SLC20A2: variants seen among roughly 807,000 people sequenced by gnomAD.
SLC20A2 encodes sodium-dependent phosphate transporter 2.
A neutral mutation model predicts 61.0 loss-of-function variants in SLC20A2; 30 were observed. The ratio of observed to expected loss-of-function variants is 0.49; its 90% CI spans 0.37 to 0.67. The LOEUF (loss-of-function observed/expected upper bound fraction) is 0.67. SLC20A2 is among the 30% of genes least tolerant of loss of function. The pLI is 0.00. For missense variants in SLC20A2, 626 were observed against 866.4 expected (o/e 0.72, Z 3.48); for synonymous variants, 351 against 353.3 (o/e 0.99, Z 0.07).
chr8:42,484,780 G>T, intron 1 of SLC20A2: 1 of 329,032 alleles, frequency 3.0e-6, no homozygotes, highest in South Asian at 2.9e-5. Flanking sequence ...GCTAAAGGCT[G>T]CTCCCATATC....
intron 1 of SLC20A2, among the ~76,000 whole-genome samples, chr8:42,513,330 C>T (rs973228259): frequency 1.3e-5 from 2 of 152,212 alleles, no homozygotes; most frequent in Admixed American, 6.5e-5. Flanking sequence ...ATCACAGTGG[C>T]TGCCTCTCCA....
chr8:42,493,328 T>G (rs1217519617), intron 1 of SLC20A2, among the ~76,000 whole-genome samples: 3 of 152,218 alleles, frequency 2.0e-5, no homozygotes, highest in African/African-American at 4.8e-5. Context: ...GAGCCAGTAC[T>G]TTCTTAAAGT....
At chr8:42,509,772 A>AAAACG (rs1440882433) in intron 1 of SLC20A2, among the ~76,000 whole-genome samples, 1 of 151,784 alleles carries the variant, frequency 6.6e-6, no homozygotes, top group Admixed American at 6.6e-5. Context: ...AAAACAAAAC[A>AAAACG]AAACAAAAAG....
Position 42,465,879 on chromosome 8 carries a change from G to C in SLC20A2, c.328C>G (p.Leu110Val). The C allele has an allele frequency of 6.2e-7, 1 of 1,613,000 alleles. No individual in the cohort carries two copies. Among genetic ancestry groups the C allele is most frequent in the Non-Finnish European group, 8.5e-7 (1 of 1,179,654 alleles). ...VWQLIASFLRLPISGTHCIVG... is the reference protein window; with the variant it reads ...VWQLIASFLRVPISGTHCIVG... ...ATGCAGTGCGTTCCTGAGATTGGAA[G>C]CCTCAGGAAGGAAGCAATCAGCTGC... Residue 110 changes from leucine (L) to valine (V), a missense_variant, in exon 3 of 11, where the codon CTT becomes GTT. Physicochemically the swap from Leu to Val is conservative, Grantham distance 32 (BLOSUM62 1). Coordinates refer to ENST00000520262, the MANE Select transcript of SLC20A2 (RefSeq NM_001257180.2).
At chr8:42,488,196 T>TC (rs1310081819) in intron 1 of SLC20A2, among the ~76,000 whole-genome samples, 2 of 147,894 alleles carry the variant, frequency 1.4e-5, no homozygotes, top group Middle Eastern at 3.4e-3. Flanking sequence ...TTTTTTTTTT[T>TC]TTTTTTTGAG....
intron 5 of SLC20A2, among the ~76,000 whole-genome samples, chr8:42,450,458 C>T (rs1805556372): frequency 6.6e-6 from 1 of 152,114 alleles, no homozygotes; most frequent in South Asian, 2.1e-4. Flanking sequence ...GAACTCCTGA[C>T]CTCAGGTGAT....
chr8:42,459,827 C>T (rs1216404366), intron 5 of SLC20A2, 69 bp downstream of exon 5: 1 of 1,017,028 alleles, frequency 9.8e-7, no homozygotes, highest in African/African-American at 1.6e-5. Flanking sequence ...AATACCAGCA[C>T]CAAATAAACT....
Position 42,424,816 on chromosome 8 carries a change from C to A in SLC20A2, c.1794+3942G>T, listed in dbSNP as rs534876592. On this transcript the variant is annotated intron_variant, in intron 10 of 10. Transcript: ENST00000520262. Reference sequence around the variant, plus strand: ...ATTCCAGCACTTTGGGAGGCCGAGGCAGGCAGACCACTTGAGGTCAGGAGT... The same window carrying A: ...ATTCCAGCACTTTGGGAGGCCGAGGAAGGCAGACCACTTGAGGTCAGGAGT... Among the ~76,000 whole-genome samples the A allele has an allele frequency of 9.2e-5, 14 of 152,304 alleles. No individual in the cohort carries two copies. In the East Asian group the frequency reaches 2.7e-3, roughly 29 times the overall value.
intron 1 of SLC20A2, among the ~76,000 whole-genome samples, chr8:42,524,037 A>T (rs1586265650): frequency 6.6e-6 from 1 of 152,248 alleles, no homozygotes; most frequent in South Asian, 2.1e-4. Context: ...ATTTCTTCCA[A>T]CTAAGACCCT....
At chr8:42,468,964 T>C (rs1024059782) in intron 2 of SLC20A2, among the ~76,000 whole-genome samples, 8 of 152,204 alleles carry the variant, frequency 5.3e-5, no homozygotes, top group Non-Finnish European at 4.4e-5. Flanking sequence ...AGATGACTTG[T>C]TCAGGACGTT....
chr8:42,529,784 G>A (rs1812209466), intron 1 of SLC20A2, among the ~76,000 whole-genome samples: 1 of 152,122 alleles, frequency 6.6e-6, no homozygotes, highest in African/African-American at 2.4e-5. Flanking sequence ...CTTAAACTAA[G>A]CTTTGGATAT....
chr8:42,504,929 G>C (rs1343065428), upstream of SLC20A2, among the ~76,000 whole-genome samples: 1 of 134,634 alleles, frequency 7.4e-6, no homozygotes, highest in African/African-American at 2.8e-5. Flanking sequence ...GACAGATACA[G>C]AGATGAAAGA....
intron 8 of SLC20A2, among the ~76,000 whole-genome samples, chr8:42,432,965 T>G (rs1296233821): frequency 1.3e-5 from 2 of 152,252 alleles, no homozygotes; most frequent in Admixed American, 1.3e-4. Context: ...GAACCCACAG[T>G]GTCTCCCAGG....
At chr8:42,473,592 C>T (rs1357279373) in intron 1 of SLC20A2, among the ~76,000 whole-genome samples, 1 of 152,164 alleles carries the variant, frequency 6.6e-6, no homozygotes, top group African/African-American at 2.4e-5. Flanking sequence ...GCCCCTCCCC[C>T]ATGCCACTGT....
At chr8:42,425,082 C>T (rs1328037650) in intron 10 of SLC20A2, among the ~76,000 whole-genome samples, 1 of 152,120 alleles carries the variant, frequency 6.6e-6, no homozygotes, top group Non-Finnish European at 1.5e-5. Flanking sequence ...TGCACTTAGC[C>T]ATGTACACTT....
At chr8:42,532,678 G>A (rs1812409600) in intron 1 of SLC20A2, among the ~76,000 whole-genome samples, 1 of 152,166 alleles carries the variant, frequency 6.6e-6, no homozygotes, top group Admixed American at 6.6e-5. Context: ...AGGACCAAGT[G>A]CACAAGGACT....
intron 1 of SLC20A2, among the ~76,000 whole-genome samples, chr8:42,512,290 C>G (rs1811074576): frequency 6.6e-6 from 1 of 151,168 alleles, no homozygotes; most frequent in African/African-American, 2.4e-5. Flanking sequence ...TTATGTAAAC[C>G]ATAAAGAACA....
chr8:42,476,788 T>C (rs768323128), intron 1 of SLC20A2, among the ~76,000 whole-genome samples: 4 of 152,144 alleles, frequency 2.6e-5, no homozygotes, highest in African/African-American at 7.2e-5. Flanking sequence ...TGCCACCTTC[T>C]TTCCTCTCTG....
chr8:42,441,880 C>T (rs1044841689), intron 6 of SLC20A2, among the ~76,000 whole-genome samples: 20 of 151,410 alleles, frequency 1.3e-4, no homozygotes, highest in Non-Finnish European at 2.2e-4. Context: ...ATTCTGTTCC[C>T]GGTGCTTCTC....
Sources: gnomAD v4.1 joint callset for allele counts (sites outside exome capture counted in the v4.1 genomes callset) on GRCh38, gnomAD v4.1.1 for gene constraint, MANE v1.5 for transcripts, NCBI Gene and HGNC (gene_info 2026-07-23, HGNC 2026-07-21) for gene names.